ZBTB11: variants seen among roughly 807,000 people sequenced by gnomAD.
ZBTB11 encodes zinc finger and BTB domain-containing protein 11.
A neutral mutation model predicts 113.1 loss-of-function variants in ZBTB11; 68 were observed. The observed-to-expected ratio is 0.60, with a 90% CI of 0.49 to 0.74. The LOEUF (loss-of-function observed/expected upper bound fraction) is 0.74, where lower values mean the gene tolerates loss of function less well. Ranked by LOEUF, ZBTB11 falls within the 30% of genes least tolerant of loss-of-function variation. The pLI is 0.00. For synonymous variants in ZBTB11, 518 were observed against 452.6 expected, an observed-to-expected ratio of 1.14 and a Z score of -1.83; for missense variants, 1,104 against 1,279.4, an observed-to-expected ratio of 0.86 and a Z score of 2.09.
At chr3:101,660,116 T>C in intron 5 of ZBTB11, 88 bp from the exon 6 acceptor site, 1 of 1,296,436 alleles carries the variant, frequency 7.7e-7, no homozygotes, top group Non-Finnish European at 1.1e-6. Context: ...TTGTTTTTGT[T>C]ACAATTATAT....
intron 1 of ZBTB11, among the ~76,000 whole-genome samples, chr3:101,673,740 C>G (rs1465098288): frequency 6.6e-6 from 1 of 152,176 alleles, no homozygotes; most frequent in Admixed American, 6.5e-5. Flanking sequence ...GTCTCAAACT[C>G]CTGACCTCAA....
chr3:101,670,899 T>C, intron 3 of ZBTB11: 2 of 459,662 alleles, frequency 4.4e-6, no homozygotes, highest in East Asian at 6.5e-5. Context: ...CTAGAAATTC[T>C]TTTTCTGCTA....
At chr3:101,658,264 C>T (rs527748650) in intron 6 of ZBTB11, among the ~76,000 whole-genome samples, 93 of 149,190 alleles carry the variant, frequency 6.2e-4, no homozygotes, top group African/African-American at 1.4e-3. Flanking sequence ...CTCACTCTGT[C>T]GCCCAGGCTA....
At chr3:101,669,481 A>G (rs1937050973) in intron 3 of ZBTB11, among the ~76,000 whole-genome samples, 1 of 152,262 alleles carries the variant, frequency 6.6e-6, no homozygotes, top group South Asian at 2.1e-4. Context: ...ATGCTGTGCC[A>G]TAGTTTTTTT....
In ZBTB11 at chr3:101,651,389, GGACC is replaced by G; in HGVS notation, c.2935_2938del (p.Gly979LeufsTer8). The G allele has an allele frequency of 6.2e-7, 1 of 1,613,974 alleles. No individual in the cohort carries two copies. On this transcript the variant is annotated frameshift_variant, in exon 11 of 11. Coordinates refer to ENST00000312938, the MANE Select transcript of ZBTB11 (RefSeq NM_014415.4). LOFTEE classifies it high-confidence loss of function. ...CACTACCACAGTCTCAAGTTCTTGAGGACCACTGCTTTCTTGTTCCTGCATGCCT... is the reference window on the plus strand; with the variant it reads ...CACTACCACAGTCTCAAGTTCTTGAGACTGCTTTCTTGTTCCTGCATGCCT...
intron 6 of ZBTB11, among the ~76,000 whole-genome samples, chr3:101,659,030 G>A (rs1408456073): frequency 2.0e-5 from 3 of 152,090 alleles, no homozygotes; most frequent in African/African-American, 7.3e-5. Context: ...CTTGAGCCCA[G>A]GAGTTTGAGG....
Position 101,676,839 on chromosome 3 carries a change from C to T in ZBTB11, c.76G>A (p.Glu26Lys), listed in dbSNP as rs1162776725. The T allele has an allele frequency of 2.5e-6, 4 of 1,611,576 alleles. No homozygotes were observed. In the African/African-American group the frequency reaches 4.0e-5, roughly 16 times the overall value. The change falls in exon 1 of 11, where the codon GAG becomes AAG. Residue 26 changes from glutamate (E) to lysine (K), a missense_variant. This residue lies in a region of ZBTB11 where 245 missense variants were observed against 272.5 expected (regional missense o/e 0.90). Transcript: ENST00000312938. ...CGGATTTTACGCTTGACATTGCCCTCGGTGCCCGGCGCATACGGCTCGCGC... is the reference window on the plus strand; with the variant it reads ...CGGATTTTACGCTTGACATTGCCCTTGGTGCCCGGCGCATACGGCTCGCGC... ...NEREPYAPGT[E>K]GNVKRKIRKA...
In ZBTB11 at chr3:101,664,639, C is replaced by T. The variant is rs917768330; in HGVS notation, c.1699G>A (p.Ala567Thr). 2 of 1,613,848 alleles carry T rather than the reference C, an allele frequency of 1.2e-6. No individual in the cohort carries two copies. Among genetic ancestry groups the T allele is most frequent in the Non-Finnish European group, 1.7e-6 (2 of 1,179,922 alleles). The change falls in exon 5 of 11, where the codon GCA becomes ACA. Residue 567 changes from alanine to threonine, a missense_variant. By Grantham distance (58) the Ala-to-Thr change is moderately conservative. Coordinates refer to ENST00000312938, the MANE Select transcript of ZBTB11 (RefSeq NM_014415.4). ...CCACATTCCCCACATTTATGAGATG[C>T]TTCTTCTGTGTTCTCTTTAGCATCT... ...KRDAKENTEE[A>T]SHKCGECGMV...
chr3:101,670,704 A>G, intron 3 of ZBTB11: 1 of 162,106 alleles, frequency 6.2e-6, no homozygotes, highest in Non-Finnish European at 1.4e-5. Flanking sequence ...ACAATGACAC[A>G]CCACAGCCTG....
intron 5 of ZBTB11, among the ~76,000 whole-genome samples, chr3:101,664,077 CA>C (rs1248751978): frequency 3.3e-5 from 5 of 152,088 alleles, no homozygotes; most frequent in African/African-American, 1.2e-4. Context: ...GCTAAAGGGA[CA>C]GGGGTAGTGA....
intron 3 of ZBTB11, chr3:101,670,560 A>C (rs1413516588): frequency 2.0e-5 from 3 of 152,258 alleles, no homozygotes; most frequent in Admixed American, 6.5e-5. Context: ...AAAAACCAAA[A>C]GACTTATAAA....
In ZBTB11 at chr3:101,664,563, T is replaced by C. The variant is rs1391871513; in HGVS notation, c.1775A>G (p.Glu592Gly). 1.2e-6 allele frequency: 2 copies of C among 1,606,908 alleles called. No individual in the cohort carries two copies. Among genetic ancestry groups the C allele is most frequent in the Non-Finnish European group, 8.5e-7 (1 of 1,178,312 alleles). The change falls in exon 5 of 11, where the codon GAA (glutamate) becomes GGA (glycine). Residue 592 changes from glutamate to glycine, a missense_variant. Glu to Gly is a moderately conservative substitution (Grantham distance 98). This residue lies in a region of ZBTB11 where 535 missense variants were observed against 518.6 expected (regional missense o/e 1.03). Coordinates refer to ENST00000312938, the MANE Select transcript of ZBTB11 (RefSeq NM_014415.4). Reference protein sequence around the residue: ...YALIMHKLKHERARDYKCPLC... With the variant: ...YALIMHKLKHGRARDYKCPLC... Reference sequence around the variant, plus strand: ...TGGACATTTGTAATCTCTAGCTCTTTCATGTTTCAGTTTGTGCATTATAAG... The same window carrying C: ...TGGACATTTGTAATCTCTAGCTCTTCCATGTTTCAGTTTGTGCATTATAAG...
chr3:101,665,763 G>A lies in ZBTB11; in HGVS notation c.824C>T (p.Thr275Ile), dbSNP rs913702014. ...SFLPLLEFAY[T>I]SVLSFDFCSM... Reference sequence around the variant, plus strand: ...ACAGAAATCAAAACTTAGTACAGAAGTATAGGCAAATTCCAGTAAAGGAAG... The same window carrying A: ...ACAGAAATCAAAACTTAGTACAGAAATATAGGCAAATTCCAGTAAAGGAAG... Residue 275 changes from threonine (T) to isoleucine (I), a missense_variant, in exon 4 of 11, where the codon ACT becomes ATT. By Grantham distance (89) the Thr-to-Ile change is moderately conservative. Transcript: ENST00000312938. 2 of 1,610,534 alleles carry A rather than the reference G, an allele frequency of 1.2e-6. No homozygotes were observed. The highest frequency in any genetic ancestry group is 1.7e-6 in the Non-Finnish European group (2 of 1,178,862).
Position 101,665,085 on chromosome 3 carries a change from T to C in ZBTB11, c.1502A>G (p.Asp501Gly). 1 of 1,614,176 alleles carries C rather than the reference T, an allele frequency of 6.2e-7. No homozygotes were observed. Residue 501 changes from aspartate to glycine, a missense_variant, in exon 4 of 11, where the codon GAT becomes GGT. Around this residue, in one of 5 missense-constraint regions of ZBTB11, gnomAD observed 535 missense variants for 518.6 expected, o/e 1.03. Coordinates refer to ENST00000312938, the MANE Select transcript of ZBTB11 (RefSeq NM_014415.4). The stretch of plus-strand genomic sequence containing the variant: ...TTGTCGAAGCCTGCTTCTATAAGTA[T>C]CATCATCAGGGCCAAAGTCTGTCTT... ...TAKTDFGPDD[D>G]TYRSRLRQRS...
chr3:101,664,915 T>C (rs1936954906), intron 4 of ZBTB11, 49 bp downstream of exon 4: 2 of 1,558,518 alleles, frequency 1.3e-6, no homozygotes, highest in Non-Finnish European at 1.7e-6. Flanking sequence ...AATACAATGC[T>C]TTCAACCTAA....
intron 3 of ZBTB11, among the ~76,000 whole-genome samples, chr3:101,667,671 G>T (rs545360328): frequency 4.1e-4 from 62 of 151,118 alleles, no homozygotes; most frequent in Middle Eastern, 3.4e-3. Flanking sequence ...CTTTTTTTTT[G>T]TTTGTTTGAG....
At chr3:101,653,477 A>G (rs1264638669) in intron 8 of ZBTB11, among the ~76,000 whole-genome samples, 2 of 152,222 alleles carry the variant, frequency 1.3e-5, no homozygotes, top group East Asian at 3.8e-4. Context: ...TGTCTTGTCC[A>G]TATGGTGCCT....
rs1364569380 is a variant in ZBTB11 at position 101,651,393 on chromosome 3, C to T, written c.2935G>A (p.Gly979Ser). 2 of 1,613,892 alleles carry T rather than the reference C, an allele frequency of 1.2e-6. No individual in the cohort carries two copies. Among genetic ancestry groups the T allele is most frequent in the African/African-American group, 1.3e-5 (1 of 74,900 alleles). Residue 979 changes from glycine to serine, a missense_variant, in exon 11 of 11, where the codon GGT (glycine) becomes AGT (serine). Coordinates refer to ENST00000312938, the MANE Select transcript of ZBTB11 (RefSeq NM_014415.4). ...TAGMQEQESSGPQELETVVVT... is the reference protein window; with the variant it reads ...TAGMQEQESSSPQELETVVVT... Reference sequence around the variant, plus strand: ...ACCACAGTCTCAAGTTCTTGAGGACCACTGCTTTCTTGTTCCTGCATGCCT... The same window carrying T: ...ACCACAGTCTCAAGTTCTTGAGGACTACTGCTTTCTTGTTCCTGCATGCCT...
chr3:101,651,629 G>A lies in ZBTB11; in HGVS notation c.2699C>T (p.Ser900Phe). Reference protein sequence around the residue: ...TCGVAWADARSLKRHVRTHTG... With the variant: ...TCGVAWADARFLKRHVRTHTG... ...ATGTGTTCTGACATGGCGTTTTAGA[G>A]ATCGGGCATCAGCCCAAGCTACTCC... The change falls in exon 11 of 11, where the codon TCT becomes TTT. Residue 900 changes from serine (S) to phenylalanine (F), a missense_variant. Coordinates refer to ENST00000312938, the MANE Select transcript of ZBTB11 (RefSeq NM_014415.4). 1 of 1,604,594 alleles carries A rather than the reference G, an allele frequency of 6.2e-7. No individual in the cohort carries two copies. Among genetic ancestry groups the A allele is most frequent in the Non-Finnish European group, 8.5e-7 (1 of 1,176,062 alleles).
Sources: gnomAD v4.1 joint callset for allele counts (sites outside exome capture counted in the v4.1 genomes callset) on GRCh38, gnomAD v4.1.1 for gene constraint, gnomAD v4.1.1 regional missense constraint, MANE v1.5 for transcripts, NCBI Gene and HGNC (gene_info 2026-07-23, HGNC 2026-07-21) for gene names.